The following DOCK8 variants were observed in gnomAD, a reference collection of about 807,000 sequenced individuals.
The protein encoded by DOCK8 is dedicator of cytokinesis 8, also known as dedicator of cytokinesis protein 8.
A neutral mutation model predicts 245.6 loss-of-function variants in DOCK8; 141 were observed. The ratio of observed to expected loss-of-function variants is 0.57; its 90% CI spans 0.50 to 0.66. The LOEUF is 0.66. DOCK8 is among the 30% of genes least tolerant of loss of function. The pLI, the probability that DOCK8 is intolerant of heterozygous loss-of-function variation, is 0.00. For synonymous variants in DOCK8, 1,168 were observed against 970.2 expected (o/e 1.20, Z -3.79); for missense variants, 2,965 against 2,603.4 (o/e 1.14, Z -3.02).
intron 5 of DOCK8, among the ~76,000 whole-genome samples, chr9:305,542 C>G (rs2130609279): frequency 6.6e-6 from 1 of 152,304 alleles, no homozygotes; most frequent in East Asian, 1.9e-4. Context: ...GCCTCGGCCT[C>G]CCAAAGTGCT....
intron 44 of DOCK8, among the ~76,000 whole-genome samples, chr9:447,665 A>C (rs988759883): frequency 6.6e-6 from 1 of 152,198 alleles, no homozygotes; most frequent in Non-Finnish European, 1.5e-5. Flanking sequence ...CAGTTTCTCC[A>C]TTATCTAATT....
chr9:392,745 A>G (rs1393174898), intron 24 of DOCK8, among the ~76,000 whole-genome samples: 1 of 152,128 alleles, frequency 6.6e-6, no homozygotes, highest in African/African-American at 2.4e-5. Context: ...ACAATGAGAC[A>G]TGAGCTCCAT....
rs765616150 is a variant in DOCK8 at position 396,798 on chromosome 9, C to T, written c.2984C>T (p.Ala995Val). Residue 995 changes from alanine (A) to valine (V), a missense_variant, in exon 25 of 48, where the codon GCC becomes GTC. By Grantham distance (64) the Ala-to-Val change is moderately conservative. Transcript: ENST00000432829. ...CCCCCTCCGCAGGTGAAAAGCATGGCCCAGCACGTACATAACATGGACAAA... is the reference window on the plus strand; with the variant it reads ...CCCCCTCCGCAGGTGAAAAGCATGGTCCAGCACGTACATAACATGGACAAA... ...FFFELLVKSM[A>V]QHVHNMDKRD... 4 of 1,614,010 alleles carry T rather than the reference C, an allele frequency of 2.5e-6. No homozygotes were observed. Among genetic ancestry groups the T allele is most frequent in the Non-Finnish European group, 2.5e-6 (3 of 1,180,024 alleles).
At chr9:217,191 C>A (rs2046775975) in intron 1 of DOCK8, among the ~76,000 whole-genome samples, 1 of 152,182 alleles carries the variant, frequency 6.6e-6, no homozygotes, top group Non-Finnish European at 1.5e-5. Flanking sequence ...TAGTGTCTGG[C>A]TCAGAATAAA....
rs145805893 is a variant in DOCK8, at chr9:368,077, G to A, written c.1739G>A (p.Arg580Gln). 10 of 1,614,080 alleles carry A rather than the reference G, an allele frequency of 6.2e-6. No individual in the cohort carries two copies. The highest frequency in any genetic ancestry group is 4.4e-5 in the South Asian group (4 of 91,084). ...LNFVNKLASA[R>Q]NITIKIQFMC... is the part of the protein sequence containing the mutation. ...TTTGTAAACAAACTAGCATCAGCCC[G>A]GAACATTACAATAAAGATCCAGTTT... The change falls in exon 15 of 48, where the codon CGG becomes CAG. Residue 580 changes from arginine (R) to glutamine (Q), a missense_variant. By Grantham distance (43) the Arg-to-Gln change is conservative. Transcript: ENST00000432829.
At chr9:221,002 T>A in intron 1 of DOCK8, 1 of 193,464 alleles carries the variant, frequency 5.2e-6, no homozygotes. Context: ...GAAATTTATA[T>A]AGTGTGTTTA....
chr9:300,638 G>A (rs1225757279), intron 4 of DOCK8, among the ~76,000 whole-genome samples: 1 of 151,038 alleles, frequency 6.6e-6, no homozygotes, highest in Non-Finnish European at 1.5e-5. Flanking sequence ...ATCCAAATAA[G>A]CACAATCAGA....
At chr9:298,081 A>G (rs1240713158) in intron 4 of DOCK8, among the ~76,000 whole-genome samples, 1 of 152,218 alleles carries the variant, frequency 6.6e-6, no homozygotes, top group Non-Finnish European at 1.5e-5. Context: ...AAAGAACAAT[A>G]GCCAAATAAA....
rs1391071741 is a variant in DOCK8, at chr9:392,017, A to C, written c.2970+1451A>C. 2.0e-5 allele frequency among the ~76,000 whole-genome samples: 3 copies of C among 151,726 alleles called. No individual in the cohort carries two copies. In the East Asian group the frequency reaches 5.8e-4, roughly 29 times the overall value. On this transcript the variant is annotated intron_variant, in intron 24 of 47. Coordinates refer to ENST00000432829, the MANE Select transcript of DOCK8 (RefSeq NM_203447.4). ...GCCGGGTGTGGTGGCGGGTGCCTGTAATCCCATCTACTCAGGAGGCTGAGG... is the reference window on the plus strand; with the variant it reads ...GCCGGGTGTGGTGGCGGGTGCCTGTCATCCCATCTACTCAGGAGGCTGAGG...
chr9:340,267 A>G lies in DOCK8; in HGVS notation c.1625A>G (p.Lys542Arg). 6.2e-7 allele frequency: 1 copy of G among 1,614,162 alleles called. No individual in the cohort carries two copies. The highest frequency in any genetic ancestry group is 8.5e-7 in the Non-Finnish European group (1 of 1,180,010). ...CCTGAAAACCGGACACGCCCGCACA[A>G]AGAGATTTTGGAATTTCCAACACGA... is the stretch of plus-strand genomic sequence containing the variant. Reference protein sequence around the residue: ...PFPENRTRPHKEILEFPTREV... With the variant: ...PFPENRTRPHREILEFPTREV... Residue 542 changes from lysine (K) to arginine (R), a missense_variant, in exon 14 of 48, where the codon AAA (lysine) becomes AGA (arginine). Lys to Arg is a conservative substitution (Grantham distance 26, BLOSUM62 2). Around this residue, in one of 3 missense-constraint regions of DOCK8, gnomAD observed 2,825 missense variants for 2,453.5 expected, o/e 1.15. Transcript: ENST00000432829.
chr9:352,047 G>C (rs914701098), intron 14 of DOCK8, among the ~76,000 whole-genome samples: 1 of 152,188 alleles, frequency 6.6e-6, no homozygotes, highest in African/African-American at 2.4e-5. Context: ...AGGAAGTGGA[G>C]AATGCAGCAG....
At chr9:339,242 T>C in intron 13 of DOCK8, 143 bp downstream of exon 13, 1 of 763,718 alleles carries the variant, frequency 1.3e-6, no homozygotes, top group Non-Finnish European at 2.2e-6. Context: ...AGAATCTGAA[T>C]TGTTCTATGT....
rs190478517 is a variant in DOCK8 at position 286,466 on chromosome 9, G to C, written c.162G>C (p.Gln54His). The C allele has an allele frequency of 2.5e-6, 4 of 1,613,828 alleles. No homozygotes were observed. The East Asian group carries it at 8.9e-5, about 36-fold the overall frequency. Reference sequence around the variant, plus strand: ...CCTTTTCCCTGCCCCTCCAGCCTCAGTTTTATGACCCTGTGGAGCCAGTGG... The same window carrying C: ...CCTTTTCCCTGCCCCTCCAGCCTCACTTTTATGACCCTGTGGAGCCAGTGG... ...TSGFPSLQLPQFYDPVEPVDF... is the reference protein window; with the variant it reads ...TSGFPSLQLPHFYDPVEPVDF... Residue 54 changes from glutamine (Q) to histidine (H), a missense_variant, in exon 3 of 48, where the codon CAG (glutamine) becomes CAC (histidine). Transcript: ENST00000432829.
intron 1 of DOCK8, among the ~76,000 whole-genome samples, chr9:221,204 C>T (rs917858179): frequency 1.3e-5 from 2 of 152,030 alleles, no homozygotes; most frequent in African/African-American, 4.8e-5. Flanking sequence ...ATGTCATGTC[C>T]CACTGCATTA....
rs759466659 is a variant in DOCK8 at position 399,173 on chromosome 9, A to C, written c.3148A>C (p.Ile1050Leu). Residue 1050 changes from isoleucine to leucine, a missense_variant, in exon 26 of 48, where the codon ATC becomes CTC. By Grantham distance (5) the Ile-to-Leu change is conservative. Around this residue, in one of 3 missense-constraint regions of DOCK8, gnomAD observed 2,825 missense variants for 2,453.5 expected, o/e 1.15. Coordinates refer to ENST00000432829, the MANE Select transcript of DOCK8 (RefSeq NM_203447.4). Reference protein sequence around the residue: ...KENEQAEKMNISLAFFLYDLL... With the variant: ...KENEQAEKMNLSLAFFLYDLL... ...AAATGAACAGGCGGAAAAGATGAAC[A>C]TCAGCCTGGCTTTCTTCTTGTATGA... 39 of 1,613,818 alleles carry C rather than the reference A, an allele frequency of 2.4e-5. No individual in the cohort carries two copies. The highest frequency in any genetic ancestry group is 3.2e-5 in the Non-Finnish European group (38 of 1,179,902).
intron 1 of DOCK8, among the ~76,000 whole-genome samples, chr9:216,426 T>A (rs558906775): frequency 8.2e-4 from 123 of 150,698 alleles, no homozygotes; most frequent in African/African-American, 2.9e-3. Context: ...GCCCCAGCTA[T>A]TCAAGAGGCT....
chr9:264,203 G>T (rs1401042528), intron 1 of DOCK8, among the ~76,000 whole-genome samples: 1 of 152,208 alleles, frequency 6.6e-6, no homozygotes, highest in African/African-American at 2.4e-5. Context: ...ATATCAAGAA[G>T]GAAACTTATA....
intron 1 of DOCK8, among the ~76,000 whole-genome samples, chr9:234,399 A>G (rs2047198233): frequency 3.3e-5 from 5 of 152,126 alleles, no homozygotes; most frequent in African/African-American, 1.2e-4. Flanking sequence ...CTCAAGGAGT[A>G]TCTTTGTGGC....
intron 9 of DOCK8, 30 bp downstream of exon 9, chr9:328,201 C>T (rs777516170): frequency 1.2e-6 from 2 of 1,600,652 alleles, no homozygotes; most frequent in East Asian, 2.3e-5. Context: ...TTTGCCCAAT[C>T]TGATGTTTTC....
Sources: gnomAD v4.1 joint callset for allele counts (sites outside exome capture counted in the v4.1 genomes callset) on GRCh38, gnomAD v4.1.1 for gene constraint, gnomAD v4.1.1 regional missense constraint, MANE v1.5 for transcripts, NCBI Gene and HGNC (gene_info 2026-07-23, HGNC 2026-07-21) for gene names.